ZBTB7A: variants seen among roughly 807,000 people sequenced by gnomAD.
ZBTB7A encodes zinc finger and BTB domain containing 7A, also known as zinc finger and BTB domain-containing protein 7A.
In ZBTB7A, 7 loss-of-function variants were observed where a neutral mutation model predicts 26.7. The observed-to-expected ratio is 0.26, with a 90% CI of 0.15 to 0.49. ZBTB7A has a LOEUF of 0.49. Among genes scored for constraint, ZBTB7A ranks in the 20% least tolerant of loss-of-function variants. ZBTB7A has a pLI of 0.98. For synonymous variants in ZBTB7A, 452 were observed against 441.0 expected (o/e 1.02, Z -0.31); for missense variants, 617 against 919.5 (o/e 0.67, Z 4.25).
rs1440347633 is a variant in ZBTB7A at position 4,043,326 on chromosome 19, G to C, written c.*4426C>G. Among the ~76,000 whole-genome samples, 1 of 150,098 alleles carries C rather than the reference G, an allele frequency of 6.7e-6. No individual in the cohort carries two copies. Among genetic ancestry groups the C allele is most frequent in the Middle Eastern group, 3.5e-3 (1 of 286 alleles). ...GCGGTCGTAACAGGCTGCGTTTAGTGGTTCTTTTTTTTTTTTTATGTACAA... is the reference window on the plus strand; with the variant it reads ...GCGGTCGTAACAGGCTGCGTTTAGTCGTTCTTTTTTTTTTTTTATGTACAA... On this transcript the variant is annotated 3_prime_UTR_variant, in exon 3 of 3. Coordinates refer to ENST00000322357, the MANE Select transcript of ZBTB7A (RefSeq NM_015898.4).
rs2040457933 is a variant in ZBTB7A, at chr19:4,048,793, CA to C, written c.1263-550del. Among the ~76,000 whole-genome samples, 1 of 151,662 alleles carries C rather than the reference CA, an allele frequency of 6.6e-6. No homozygotes were observed. The highest frequency in any genetic ancestry group is 2.4e-5 in the African/African-American group (1 of 41,234). ...ACTTGTATCTGGGAGGTGGAGGTTG[CA>C]GTGAAACTCCGTCTCAAAAAAAAAA... On this transcript the variant is annotated intron_variant, in intron 2 of 2. Coordinates refer to ENST00000322357, the MANE Select transcript of ZBTB7A (RefSeq NM_015898.4). The surrounding 1 kb of genome is among the most constrained non-coding windows in gnomAD (Gnocchi z 6.7).
At chr19:4,050,218 C>T (rs543958411) in intron 2 of ZBTB7A, among the ~76,000 whole-genome samples, 1 of 152,160 alleles carries the variant, frequency 6.6e-6, no homozygotes, top group Admixed American at 6.5e-5. Context: ...CGCCACCACA[C>T]CTGGCTGATT....
At chr19:4,064,291 T>C (rs1315304517) in intron 1 of ZBTB7A, among the ~76,000 whole-genome samples, 1 of 152,130 alleles carries the variant, frequency 6.6e-6, no homozygotes, top group East Asian at 1.9e-4. Context: ...CTTCTTTCCT[T>C]CCTTAGACTT....
rs945331347 is a variant in ZBTB7A, at chr19:4,046,962, G to A, written c.*790C>T. ...GGGGCGCCCTGAGGGGTGGTCCCTG[G>A]GGGTCCCGCCGGTTGTAAGTGCCGT... is the stretch of plus-strand genomic sequence containing the variant. On this transcript the variant is annotated 3_prime_UTR_variant, in exon 3 of 3. Transcript: ENST00000322357. 1 of 151,844 alleles carries A rather than the reference G, an allele frequency of 6.6e-6. No individual in the cohort carries two copies. The highest frequency in any genetic ancestry group is 2.4e-5 in the African/African-American group (1 of 41,320). The allele number at this position is 151,844 out of a possible 1,614,324, so 9.4% of individuals were successfully genotyped here.
At chr19:4,057,615 C>CTGT (rs1453174808) in intron 1 of ZBTB7A, among the ~76,000 whole-genome samples, 1 of 151,522 alleles carries the variant, frequency 6.6e-6, no homozygotes, top group African/African-American at 2.4e-5. Flanking sequence ...TGGTGAAACC[C>CTGT]CATTTCTAAC....
chr19:4,043,694 C>T lies in ZBTB7A; in HGVS notation c.*4058G>A, dbSNP rs1310071187. Among the ~76,000 whole-genome samples the T allele has an allele frequency of 7.3e-6, 1 of 136,860 alleles. No homozygotes were observed. The highest frequency in any genetic ancestry group is 1.5e-5 in the Non-Finnish European group (1 of 65,796). The allele number at this position is 136,860 out of a possible 152,430, so 89.8% of individuals were successfully genotyped here. ...GCCCCGGCGAGGGATGGGGGTCTCCCTGGCCCCCTCCACCCCCTGGGCCCG... is the reference window on the plus strand; with the variant it reads ...GCCCCGGCGAGGGATGGGGGTCTCCTTGGCCCCCTCCACCCCCTGGGCCCG... On this transcript the variant is annotated 3_prime_UTR_variant, in exon 3 of 3. Transcript: ENST00000322357.
At position 4,049,168 on chromosome 19, in the gene ZBTB7A, GTATATATATATATATATATATATA is replaced by G. The variant is rs1181215162; in HGVS notation, c.1263-948_1263-925del. 3.3e-4 allele frequency among the ~76,000 whole-genome samples: 5 copies of G among 14,954 alleles called. 1 individual carries two copies. The highest frequency in any genetic ancestry group is 1.4e-3 in the African/African-American group (5 of 3,570). The allele number at this position is 14,954 out of a possible 152,430, so 9.8% of individuals were successfully genotyped here. A position where few individuals can be genotyped will look rare whatever the true frequency, so the allele number is the denominator to read the frequency against. On this transcript the variant is annotated intron_variant, in intron 2 of 2. Coordinates refer to ENST00000322357, the MANE Select transcript of ZBTB7A (RefSeq NM_015898.4). ...ACTATATGTGTGTGTGTGTGTGTGT[GTATATATATATATATATATATATA>G]TATATATATATATATATGTAAGTTT...
At chr19:4,061,499 C>T (rs2040637440) in intron 1 of ZBTB7A, 1 of 152,170 alleles carries the variant, frequency 6.6e-6, no homozygotes, top group African/African-American at 2.4e-5. Context: ...ATGCAGTGTC[C>T]CGATCGGGGG....
In ZBTB7A at chr19:4,057,123, C is replaced by T. The variant is rs150909605; in HGVS notation, c.-15-1876G>A. Among the ~76,000 whole-genome samples the T allele has an allele frequency of 4.6e-3, 700 of 151,156 alleles. 6 individuals are homozygous for T. Among genetic ancestry groups the T allele is most frequent in the Middle Eastern group, 0.021 (6 of 284 alleles). ...CAGCACTTTGGGAAGCCAAGGCAGGCGGATCACCTAAGGTCTGGAGTTCAA... is the reference window on the plus strand; with the variant it reads ...CAGCACTTTGGGAAGCCAAGGCAGGTGGATCACCTAAGGTCTGGAGTTCAA... On this transcript the variant is annotated intron_variant, in intron 1 of 2. Transcript: ENST00000322357.
intron 1 of ZBTB7A, among the ~76,000 whole-genome samples, chr19:4,056,299 C>T (rs1375870276): frequency 2.0e-5 from 3 of 152,176 alleles, no homozygotes; most frequent in Non-Finnish European, 4.4e-5. Context: ...CTAGCTGTGC[C>T]CAAGAGCAGT....
chr19:4,059,979 C>A (rs2040622376), intron 1 of ZBTB7A, among the ~76,000 whole-genome samples: 1 of 152,154 alleles, frequency 6.6e-6, no homozygotes, highest in African/African-American at 2.4e-5. Context: ...CTCCAGGAAG[C>A]CCCGGCCCCA....
intron 1 of ZBTB7A, among the ~76,000 whole-genome samples, chr19:4,066,048 G>C (rs1307104624): frequency 1.3e-5 from 2 of 150,120 alleles, no homozygotes; most frequent in Non-Finnish European, 3.0e-5. Flanking sequence ...GGCACCCTGG[G>C]ACTTGTAGTC....
intron 1 of ZBTB7A, among the ~76,000 whole-genome samples, chr19:4,059,270 C>T (rs2040615483): frequency 1.3e-5 from 2 of 152,270 alleles, no homozygotes; most frequent in African/African-American, 4.8e-5. Flanking sequence ...TCTGGAGTGG[C>T]TGGGAGGTGT....
At chr19:4,057,080 G>A (rs1339767303) in intron 1 of ZBTB7A, among the ~76,000 whole-genome samples, 1 of 150,552 alleles carries the variant, frequency 6.6e-6, no homozygotes, top group Non-Finnish European at 1.5e-5. Flanking sequence ...TGGGCACTGT[G>A]GCTCACATCT....
At chr19:4,060,018 C>A (rs921995625) in intron 1 of ZBTB7A, among the ~76,000 whole-genome samples, 7 of 152,138 alleles carry the variant, frequency 4.6e-5, no homozygotes, top group African/African-American at 1.4e-4. Context: ...CCCTGCCGGC[C>A]AGGGTCCCCT....
At chr19:4,058,299 C>A (rs2040603267) in intron 1 of ZBTB7A, among the ~76,000 whole-genome samples, 1 of 152,234 alleles carries the variant, frequency 6.6e-6, no homozygotes, top group Non-Finnish European at 1.5e-5. Flanking sequence ...CAACTCTCAG[C>A]CACCCCAGCT....
rs1488020371 is a variant in ZBTB7A, at chr19:4,048,409, G to A, written c.1263-165C>T. 6.6e-6 allele frequency among the ~76,000 whole-genome samples: 1 copy of A among 152,218 alleles called. No individual in the cohort carries two copies. The highest frequency in any genetic ancestry group is 1.5e-5 in the Non-Finnish European group (1 of 68,048). The stretch of plus-strand genomic sequence containing the variant: ...CGATGGGGACGGTCCCTCGAAAAAC[G>A]AGACGAGTGGGGGCGATTTCGCATT... On this transcript the variant is annotated intron_variant, in intron 2 of 2. Coordinates refer to ENST00000322357, the MANE Select transcript of ZBTB7A (RefSeq NM_015898.4). The surrounding 1 kb of genome is among the most constrained non-coding windows in gnomAD (Gnocchi z 6.7).
intron 1 of ZBTB7A, among the ~76,000 whole-genome samples, chr19:4,059,103 G>C (rs943089407): frequency 1.3e-5 from 2 of 152,198 alleles, no homozygotes; most frequent in African/African-American, 4.8e-5. Context: ...GGGCCGCGGG[G>C]AGCGTGTGAG....
In ZBTB7A at chr19:4,043,846, C is replaced by A; in HGVS notation, c.*3906G>T. Among the ~76,000 whole-genome samples the A allele has an allele frequency of 1.0e-4, 1 of 9,768 alleles. No homozygotes were observed. Among genetic ancestry groups the A allele is most frequent in the Non-Finnish European group, 2.4e-4 (1 of 4,210 alleles). 6.4% of individuals were successfully genotyped at this position (9,768 alleles called of 152,430 possible). A position where few individuals can be genotyped will look rare whatever the true frequency, so the allele number is the denominator to read the frequency against. On this transcript the variant is annotated 3_prime_UTR_variant, in exon 3 of 3. Coordinates refer to ENST00000322357, the MANE Select transcript of ZBTB7A (RefSeq NM_015898.4). Reference sequence around the variant, plus strand: ...CCGTCCTGCGCCAGCCACCCACCACCCCCCCCCCCCCACCTCCAGGAAGGC... The same window carrying A: ...CCGTCCTGCGCCAGCCACCCACCACACCCCCCCCCCCACCTCCAGGAAGGC...
Sources: gnomAD v4.1 joint callset for allele counts (sites outside exome capture counted in the v4.1 genomes callset) on GRCh38, gnomAD v4.1.1 for gene constraint, Gnocchi (gnomAD v3.1) non-coding constraint, MANE v1.5 for transcripts, NCBI Gene and HGNC (gene_info 2026-07-23, HGNC 2026-07-21) for gene names.